Variants in AGAP1 observed in about 807,000 individuals in gnomAD.
AGAP1 encodes arf-GAP with GTPase, ANK repeat and PH domain-containing protein 1.
AGAP1 carries 29 observed loss-of-function variants against 105.3 expected under a neutral mutation model. The observed-to-expected ratio is 0.28, with a 90% CI of 0.21 to 0.38. AGAP1 has a LOEUF of 0.38. AGAP1 is among the 10% of genes least tolerant of loss of function. The pLI, the probability that AGAP1 is intolerant of heterozygous loss-of-function variation, is 1.00. For missense variants in AGAP1, 998 were observed against 1,165.1 expected, an observed-to-expected ratio of 0.86 and a Z score of 2.09; for synonymous variants, 509 against 485.9, an observed-to-expected ratio of 1.05 and a Z score of -0.63.
At chr2:235,594,638 G>A (rs1040213017) in intron 1 of AGAP1, among the ~76,000 whole-genome samples, 1 of 152,074 alleles carries the variant, frequency 6.6e-6, no homozygotes, top group Non-Finnish European at 1.5e-5. Context: ...GCAGTGATGT[G>A]ATCTCGGCTC....
intron 15 of AGAP1, among the ~76,000 whole-genome samples, chr2:236,047,634 C>T (rs4430890): frequency 0.18 from 18,383 of 99,880 alleles, 2,998 homozygotes; most frequent in African/African-American, 0.47. Context: ...GAGTCTCGTT[C>T]TGTCACCCAG....
intron 1 of AGAP1, among the ~76,000 whole-genome samples, chr2:235,597,712 T>C (rs1238725996): frequency 1.3e-5 from 2 of 151,850 alleles, no homozygotes; most frequent in Admixed American, 1.3e-4. Context: ...GTGCACGCGC[T>C]CCCGTGTTTC....
Position 235,908,917 on chromosome 2 carries a change from A to G in AGAP1, c.1324+11A>G, listed in dbSNP as rs759891404. The G allele has an allele frequency of 2.4e-5, 39 of 1,605,480 alleles. No homozygotes were observed. The highest frequency in any genetic ancestry group is 3.3e-5 in the Non-Finnish European group (39 of 1,173,552). ...TCTCACCCAATTCAGGTAAGCTTAC[A>G]GCAAATGCACTAACAAATCAAGTTC... On this transcript the variant is annotated intron_variant, in intron 11 of 17. Coordinates refer to ENST00000304032, the MANE Select transcript of AGAP1 (RefSeq NM_001037131.3). The surrounding 1 kb of genome is among the most constrained non-coding windows in gnomAD (Gnocchi z 4.4).
At chr2:235,847,674 C>T (rs1961661594) in intron 9 of AGAP1, among the ~76,000 whole-genome samples, 1 of 152,212 alleles carries the variant, frequency 6.6e-6, no homozygotes, top group Non-Finnish European at 1.5e-5. Context: ...ATTTCTATTT[C>T]AGTACCGTCT....
In AGAP1 at chr2:236,025,221, AGCTCCGAACAGG is replaced by A. The variant is rs1216691263; in HGVS notation, c.1646-11337_1646-11326del. 4.6e-5 allele frequency among the ~76,000 whole-genome samples: 7 copies of A among 152,314 alleles called. No individual in the cohort carries two copies. The East Asian group carries it at 1.4e-3, about 29-fold the overall frequency. ...GTGAAATGACACCACTAAAAGTGAA[AGCTCCGAACAGG>A]GCATCCTCACAGGCACATGCTCGTT... On this transcript the variant is annotated intron_variant, in intron 13 of 17. Transcript: ENST00000304032.
intron 1 of AGAP1, among the ~76,000 whole-genome samples, chr2:235,678,922 G>A (rs541846593): frequency 5.8e-4 from 89 of 152,142 alleles, no homozygotes; most frequent in Non-Finnish European, 9.3e-4. Context: ...TCTCGATACC[G>A]ATGCCATTTG....
At chr2:235,980,976 T>A (rs1482530352) in intron 13 of AGAP1, among the ~76,000 whole-genome samples, 2 of 152,226 alleles carry the variant, frequency 1.3e-5, no homozygotes, top group Non-Finnish European at 2.9e-5. Flanking sequence ...AACCAAGATT[T>A]TTTGCCTCCT....
Position 236,061,881 on chromosome 2 carries a change from G to GA in AGAP1, c.2114+12614dup, listed in dbSNP as rs35303117. ...ATGGTATATAAATTATGTCAATTTT[G>GA]AAAAAAAAAAAAAAGGAATTTCCAA... On this transcript the variant is annotated intron_variant, in intron 16 of 17. Transcript: ENST00000304032. The surrounding 1 kb of genome is among the most constrained non-coding windows in gnomAD (Gnocchi z 4.1). 3.5e-3 allele frequency among the ~76,000 whole-genome samples: 426 copies of GA among 121,096 alleles called. 1 individual carries two copies. The highest frequency in any genetic ancestry group is 0.013 in the Middle Eastern group (3 of 234). 79.4% of individuals were successfully genotyped at this position (121,096 alleles called of 152,430 possible). A position where few individuals can be genotyped will look rare whatever the true frequency, so the allele number is the denominator to read the frequency against.
At chr2:235,730,477 TAAAAA>T (rs11388954) in intron 3 of AGAP1, among the ~76,000 whole-genome samples, 4 of 123,870 alleles carry the variant, frequency 3.2e-5, no homozygotes, top group Admixed American at 8.4e-5. Context: ...GTTTACCTTT[TAAAAA>T]AAAAAAAAAA....
chr2:236,057,703 A>C (rs1216426062), intron 16 of AGAP1, among the ~76,000 whole-genome samples: 4 of 152,232 alleles, frequency 2.6e-5, no homozygotes, highest in African/African-American at 9.6e-5. Flanking sequence ...GTCTCAGGCC[A>C]TAGAGTTCCT....
rs1658957188 is a variant in AGAP1, at chr2:236,020,276, C to G, written c.1646-16285C>G. On this transcript the variant is annotated intron_variant, in intron 13 of 17. Transcript: ENST00000304032. This position sits in a 1 kb window ranked among gnomAD's most constrained non-coding sequence, Gnocchi z 5.0. ...CCAGTAAGCCCCAGTACTCAAGCAC[C>G]CAGATTCTCTCTGTTTTCAAAGAAA... is the stretch of plus-strand genomic sequence containing the variant. 6.6e-6 allele frequency among the ~76,000 whole-genome samples: 1 copy of G among 152,186 alleles called. No individual in the cohort carries two copies. Among genetic ancestry groups the G allele is most frequent in the African/African-American group, 2.4e-5 (1 of 41,452 alleles).
intron 9 of AGAP1, among the ~76,000 whole-genome samples, chr2:235,837,269 G>T (rs1028601722): frequency 1.3e-5 from 2 of 152,200 alleles, no homozygotes; most frequent in Non-Finnish European, 1.5e-5. Flanking sequence ...ATAGGCATGA[G>T]CCACTGCACC....
chr2:236,070,466 C>A (rs376923198), intron 16 of AGAP1, among the ~76,000 whole-genome samples: 146 of 152,330 alleles, frequency 9.6e-4, no homozygotes, highest in African/African-American at 3.2e-3. Flanking sequence ...AGAAATGAAA[C>A]CTGCGTTCAC....
chr2:235,730,477 T>TTAAA lies in AGAP1; in HGVS notation c.311-10486_311-10485insTAAA, dbSNP rs1553616002. On this transcript the variant is annotated intron_variant, in intron 3 of 17. Transcript: ENST00000304032. ...TTGCAATGCTCTTTTGTTTACCTTTTAAAAAAAAAAAAAAAAAAAAACGAG... is the reference window on the plus strand; with the variant it reads ...TTGCAATGCTCTTTTGTTTACCTTTTTAAAAAAAAAAAAAAAAAAAAAAAACGAG... 4.9e-3 allele frequency among the ~76,000 whole-genome samples: 603 copies of TTAAA among 123,858 alleles called. 9 individuals carry two copies. The highest frequency in any genetic ancestry group is 0.023 in the South Asian group (79 of 3,488). 81.3% of individuals were successfully genotyped at this position (123,858 alleles called of 152,430 possible).
intron 15 of AGAP1, among the ~76,000 whole-genome samples, chr2:236,048,356 T>C (rs1035789639): frequency 6.6e-6 from 1 of 152,246 alleles, no homozygotes; most frequent in African/African-American, 2.4e-5. Flanking sequence ...GCACTAGTCC[T>C]TGGTCTAGTT....
At chr2:235,829,345 C>A (rs1407401305) in intron 9 of AGAP1, among the ~76,000 whole-genome samples, 6 of 152,258 alleles carry the variant, frequency 3.9e-5, no homozygotes, top group Non-Finnish European at 7.3e-5. Flanking sequence ...GATGGGGCAG[C>A]ATTAGCAGTC....
At chr2:236,049,018 A>G in intron 15 of AGAP1, 41 bp from the exon 16 acceptor site, 2 of 1,557,364 alleles carry the variant, frequency 1.3e-6, no homozygotes, top group East Asian at 2.3e-5. Flanking sequence ...ATGATGCATG[A>G]TGGTCTGATT....
rs899841298 is a variant in AGAP1, at chr2:235,792,967, C to T, written c.674-4792C>T. Among the ~76,000 whole-genome samples, 1 of 152,050 alleles carries T rather than the reference C, an allele frequency of 6.6e-6. No homozygotes were observed. The highest frequency in any genetic ancestry group is 6.6e-5 in the Admixed American group (1 of 15,262). On this transcript the variant is annotated intron_variant, in intron 6 of 17. Coordinates refer to ENST00000304032, the MANE Select transcript of AGAP1 (RefSeq NM_001037131.3). This position sits in a 1 kb window ranked among gnomAD's most constrained non-coding sequence, Gnocchi z 5.3. ...GGGAAAAAGGACACCAGGAGGATGCCAGGGAAGCACCCGCACTTCAGGAGC... is the reference window on the plus strand; with the variant it reads ...GGGAAAAAGGACACCAGGAGGATGCTAGGGAAGCACCCGCACTTCAGGAGC...
rs938974915 is a variant in AGAP1 at position 236,114,439 on chromosome 2, G to C, written c.2115-5753G>C. 3.9e-5 allele frequency among the ~76,000 whole-genome samples: 6 copies of C among 152,240 alleles called. No individual in the cohort carries two copies. The highest frequency in any genetic ancestry group is 3.9e-4 in the Admixed American group (6 of 15,292). Reference sequence around the variant, plus strand: ...GACGCTAGTGAGAAAGATGAAGGATGCTATCCAGAGTATGTGTCAGCTCAG... The same window carrying C: ...GACGCTAGTGAGAAAGATGAAGGATCCTATCCAGAGTATGTGTCAGCTCAG... On this transcript the variant is annotated intron_variant, in intron 16 of 17. Transcript: ENST00000304032. This position sits in a 1 kb window ranked among gnomAD's most constrained non-coding sequence, Gnocchi z 5.0.
Sources: gnomAD v4.1 joint callset for allele counts (sites outside exome capture counted in the v4.1 genomes callset) on GRCh38, gnomAD v4.1.1 for gene constraint, Gnocchi (gnomAD v3.1) non-coding constraint, MANE v1.5 for transcripts, NCBI Gene and HGNC (gene_info 2026-07-23, HGNC 2026-07-21) for gene names.